Variants in SLC17A6 observed in about 807,000 individuals in gnomAD.
SLC17A6 encodes solute carrier family 17 member 6.
A neutral mutation model predicts 67.1 loss-of-function variants in SLC17A6; 35 were observed. That is an observed-to-expected ratio of 0.52 (90% CI 0.40 to 0.69). The LOEUF (loss-of-function observed/expected upper bound fraction) is 0.69. Ranked by LOEUF, SLC17A6 falls within the 30% of genes least tolerant of loss-of-function variation. The probability of loss-of-function intolerance (pLI) is 0.00; values close to 1 mark genes in which losing one functional copy is unlikely to be tolerated. For synonymous variants in SLC17A6, 285 were observed against 252.3 expected (o/e 1.13, Z -1.23); for missense variants, 588 against 723.9 (o/e 0.81, Z 2.15).
At chr11:22,372,391 C>T (rs1353771872) in intron 8 of SLC17A6, among the ~76,000 whole-genome samples, 2 of 149,478 alleles carry the variant, frequency 1.3e-5, no homozygotes, top group East Asian at 1.9e-4. Flanking sequence ...CACACATACA[C>T]ATATATATAT....
At position 22,365,812 on chromosome 11, in the gene SLC17A6, AT is replaced by A. The variant is rs912567269; in HGVS notation, c.891+127del. 9.8e-6 allele frequency: 10 copies of A among 1,021,102 alleles called. No individual in the cohort carries two copies. The East Asian group carries it at 1.3e-4, about 13-fold the overall frequency. The allele number at this position is 1,021,102 out of a possible 1,614,324, so 63.3% of individuals were successfully genotyped here. On this transcript the variant is annotated intron_variant, in intron 7 of 11. Transcript: ENST00000263160. ...TTTGGTATCAATCATAACTTCTTTT[AT>A]TTTGGTCCATCCATATTCTCTGACT... is the stretch of plus-strand genomic sequence containing the variant.
intron 7 of SLC17A6, among the ~76,000 whole-genome samples, chr11:22,366,044 C>G (rs919335449): frequency 3.9e-5 from 6 of 152,060 alleles, no homozygotes; most frequent in Admixed American, 3.3e-4. Flanking sequence ...ATGAAAATGG[C>G]AATTTTTGGT....
At chr11:22,365,841 G>T in intron 7 of SLC17A6, 152 bp downstream of exon 7, 3 of 753,532 alleles carry the variant, frequency 4.0e-6, no homozygotes, top group Admixed American at 3.2e-5. Context: ...CTCTGACTTA[G>T]GAATAATAGC....
In SLC17A6 at chr11:22,367,424, A is replaced by G. The variant is rs531148511; in HGVS notation, c.891+1735A>G. On this transcript the variant is annotated intron_variant, in intron 7 of 11. Transcript: ENST00000263160. ...TTACTGTGTAGTTGTTCCATGAGTT[A>G]GCTTGGCATTAGAACTTTCCTCTTT... is the stretch of plus-strand genomic sequence containing the variant. 1.1e-4 allele frequency among the ~76,000 whole-genome samples: 17 copies of G among 152,334 alleles called. No homozygotes were observed. The South Asian group carries it at 3.1e-3, about 28-fold the overall frequency.
At chr11:22,343,555 A>G (rs1315401276) in intron 3 of SLC17A6, among the ~76,000 whole-genome samples, 190 bp downstream of exon 3, 1 of 152,056 alleles carries the variant, frequency 6.6e-6, no homozygotes, top group Non-Finnish European at 1.5e-5. Context: ...CGCCTAAACG[A>G]ATGTAGGCTC....
chr11:22,345,407 G>A (rs1855865732), intron 3 of SLC17A6, among the ~76,000 whole-genome samples: 1 of 151,776 alleles, frequency 6.6e-6, no homozygotes, highest in Non-Finnish European at 1.5e-5. Context: ...CACCTCCTGG[G>A]TTCAAGTGAT....
At chr11:22,344,225 C>T (rs1483900531) in intron 3 of SLC17A6, among the ~76,000 whole-genome samples, 2 of 152,158 alleles carry the variant, frequency 1.3e-5, no homozygotes, top group Admixed American at 6.5e-5. Context: ...TGCTTAGATA[C>T]CGCAAATAAA....
chr11:22,345,159 T>C (rs1855862789), intron 3 of SLC17A6, among the ~76,000 whole-genome samples: 3 of 152,128 alleles, frequency 2.0e-5, no homozygotes, highest in South Asian at 4.1e-4. Context: ...TGCTCCAGCT[T>C]TTCCTCTTTG....
intron 1 of SLC17A6, among the ~76,000 whole-genome samples, chr11:22,339,787 A>G (rs763664984): frequency 1.3e-5 from 2 of 152,128 alleles, no homozygotes; most frequent in Non-Finnish European, 2.9e-5. Context: ...GGCAGTAGAT[A>G]CCGCAAGGGC....
chr11:22,377,014 G>A (rs1378892663), intron 11 of SLC17A6, among the ~76,000 whole-genome samples: 2 of 152,090 alleles, frequency 1.3e-5, no homozygotes, highest in Non-Finnish European at 2.9e-5. Flanking sequence ...CTCTGCAGTT[G>A]TCCAAGGAAC....
At chr11:22,354,530 G>C (rs543429896) in intron 3 of SLC17A6, among the ~76,000 whole-genome samples, 1 of 152,132 alleles carries the variant, frequency 6.6e-6, no homozygotes, top group Non-Finnish European at 1.5e-5. Flanking sequence ...TAAGAGAGAT[G>C]GGGTAGAATT....
At chr11:22,362,565 CTG>C (rs1270901864) in intron 5 of SLC17A6, among the ~76,000 whole-genome samples, 172 bp from the exon 6 acceptor site, 1 of 152,048 alleles carries the variant, frequency 6.6e-6, no homozygotes, top group Admixed American at 6.6e-5. Context: ...TCCCGTGTTC[CTG>C]TGTACGTATG....
intron 4 of SLC17A6, among the ~76,000 whole-genome samples, chr11:22,359,738 C>G (rs1856028439): frequency 6.6e-6 from 1 of 152,082 alleles, no homozygotes; most frequent in African/African-American, 2.4e-5. Context: ...ATCTCCTTCT[C>G]TCTAGAATTG....
In SLC17A6 at chr11:22,378,328, C is replaced by T. The variant is rs1305142701; in HGVS notation, c.*588C>T. 6.6e-6 allele frequency: 1 copy of T among 152,636 alleles called. No homozygotes were observed. The highest frequency in any genetic ancestry group is 1.5e-5 in the Non-Finnish European group (1 of 68,060). 9.5% of individuals were successfully genotyped at this position (152,636 alleles called of 1,614,324 possible). A position where few individuals can be genotyped will look rare whatever the true frequency, so the allele number is the denominator to read the frequency against. ...CAAAAGGAATATCTTGCAGTGTTTT[C>T]TATGAAATGCTTGGGCACAAACACT... On this transcript the variant is annotated 3_prime_UTR_variant, in exon 12 of 12. Coordinates refer to ENST00000263160, the MANE Select transcript of SLC17A6 (RefSeq NM_020346.3).
intron 3 of SLC17A6, among the ~76,000 whole-genome samples, chr11:22,350,747 C>A (rs1855928673): frequency 6.6e-6 from 1 of 152,054 alleles, no homozygotes; most frequent in Non-Finnish European, 1.5e-5. Flanking sequence ...ACCTTAGGTG[C>A]CAATTATAAG....
At chr11:22,345,488 GA>G (rs1353557925) in intron 3 of SLC17A6, among the ~76,000 whole-genome samples, 1 of 151,604 alleles carries the variant, frequency 6.6e-6, no homozygotes, top group Non-Finnish European at 1.5e-5. Context: ...TTTTTTTATA[GA>G]AAAAAATTTT....
intron 3 of SLC17A6, among the ~76,000 whole-genome samples, chr11:22,350,770 A>C (rs1251574792): frequency 1.3e-5 from 2 of 152,182 alleles, no homozygotes. Flanking sequence ...GAAAGATCTT[A>C]AGTGAAATGA....
chr11:22,358,793 G>A (rs559756831), intron 3 of SLC17A6, among the ~76,000 whole-genome samples: 1 of 152,164 alleles, frequency 6.6e-6, no homozygotes, highest in African/African-American at 2.4e-5. Context: ...AAACCTGAGA[G>A]AGATATACTA....
At chr11:22,349,919 C>T (rs1013154378) in intron 3 of SLC17A6, among the ~76,000 whole-genome samples, 10 of 152,126 alleles carry the variant, frequency 6.6e-5, no homozygotes, top group Non-Finnish European at 1.2e-4. Flanking sequence ...AGTTCCACAC[C>T]TGAGGTGAGG....
Sources: allele counts gnomAD v4.1 joint callset (sites outside exome capture counted in the v4.1 genomes callset), GRCh38; gene constraint gnomAD v4.1.1; transcripts MANE v1.5; gene names NCBI Gene and HGNC (gene_info 2026-07-23, HGNC 2026-07-21).